ANKRD36: variants seen among roughly 807,000 people sequenced by gnomAD.
The protein encoded by ANKRD36 is ankyrin repeat domain 36.
ANKRD36 carries 179 observed loss-of-function variants against 278.1 expected under a neutral mutation model. The ratio of observed to expected loss-of-function variants is 0.64; its 90% CI spans 0.57 to 0.73. The LOEUF is 0.73. Among genes scored for constraint, ANKRD36 ranks in the 30% least tolerant of loss-of-function variants. The pLI is 0.00. For synonymous variants in ANKRD36, 320 were observed against 641.1 expected (o/e 0.50, Z 7.57); for missense variants, 1,159 against 1,956.7 (o/e 0.59, Z 7.69).
chr2:97,161,514 A>G (rs1367071449), intron 17 of ANKRD36, among the ~76,000 whole-genome samples: 1 of 151,994 alleles, frequency 6.6e-6, no homozygotes, highest in Non-Finnish European at 1.5e-5. Context: ...TATGTCTTTC[A>G]GGGTGACCTT....
chr2:97,207,914 T>G lies in ANKRD36; in HGVS notation c.3193-20T>G. ...AAACATACTTTATTAATTTATTATT[T>G]CATTTGAAATTCCATTCAGGCTACA... On this transcript the variant is annotated intron_variant, in intron 53 of 75. Coordinates refer to ENST00000420699, the MANE Select transcript of ANKRD36 (RefSeq NM_001354587.1). 1 of 1,535,324 alleles carries G rather than the reference T, an allele frequency of 6.5e-7. No individual in the cohort carries two copies.
At chr2:97,164,518 T>C (rs894388789) in intron 20 of ANKRD36, 49 bp downstream of exon 20, 3 of 1,518,364 alleles carry the variant, frequency 2.0e-6, no homozygotes, top group Non-Finnish European at 2.7e-6. Flanking sequence ...GATGAAAATA[T>C]TGAAAATGCT....
intron 54 of ANKRD36, among the ~76,000 whole-genome samples, chr2:97,209,057 C>T (rs1206858031): frequency 2.0e-5 from 3 of 146,496 alleles, no homozygotes; most frequent in Non-Finnish European, 3.0e-5. Context: ...GAAGGCTAAA[C>T]TAGTGGATAC....
At chr2:97,210,239 C>G (rs918445870) in intron 56 of ANKRD36, among the ~76,000 whole-genome samples, 1 of 151,854 alleles carries the variant, frequency 6.6e-6, no homozygotes, top group Non-Finnish European at 1.5e-5. Flanking sequence ...CTGCTAAAAA[C>G]AGACAGATAA....
rs1558791583 is a variant in ANKRD36, at chr2:97,207,958, GT to G, written c.3221del (p.Leu1074Ter). ...GGCTACAAGTGCCGAGAAAGATTCTGTTTTGAATATAGCCAGAGGAAAAAAG... is the reference window on the plus strand; with the variant it reads ...GGCTACAAGTGCCGAGAAAGATTCTGTTTGAATATAGCCAGAGGAAAAAAG... ...LKATSAEKDS[V>X]LNIARGKKYG... On this transcript the variant is annotated frameshift_variant, in exon 54 of 76. Transcript: ENST00000420699. LOFTEE classifies it high-confidence loss of function. 6.5e-7 allele frequency: 1 copy of G among 1,526,904 alleles called. No individual in the cohort carries two copies. The highest frequency in any genetic ancestry group is 8.8e-7 in the Non-Finnish European group (1 of 1,134,578). The allele number at this position is 1,526,904 out of a possible 1,614,324, so 94.6% of individuals were successfully genotyped here. A position where few individuals can be genotyped will look rare whatever the true frequency, so the allele number is the denominator to read the frequency against.
intron 68 of ANKRD36, among the ~76,000 whole-genome samples, chr2:97,237,363 G>A (rs1178660109): frequency 1.3e-5 from 2 of 150,736 alleles, no homozygotes; most frequent in Admixed American, 6.6e-5. Flanking sequence ...TTGCATTGGG[G>A]TTCACTCTTG....
Position 97,193,009 on chromosome 2 carries a change from T to A in ANKRD36, c.2405T>A (p.Leu802Ter). ...TATSDEEGSV[L>*]SIARENKDGE... ...ACAAGTGACGAGGAAGGTTCTGTTTTGAGTATAGCCAGAGAAAACAAGGAT... is the reference window on the plus strand; with the variant it reads ...ACAAGTGACGAGGAAGGTTCTGTTTAGAGTATAGCCAGAGAAAACAAGGAT... Residue 802 changes from leucine (L) to a stop codon, truncating the protein, a stop_gained, in exon 38 of 76, where the codon TTG (leucine) becomes TAG (stop). Transcript: ENST00000420699. LOFTEE classifies it high-confidence loss of function. 1 of 1,573,828 alleles carries A rather than the reference T, an allele frequency of 6.4e-7. No homozygotes were observed. The highest frequency in any genetic ancestry group is 8.6e-7 in the Non-Finnish European group (1 of 1,160,920).
chr2:97,176,535 G>A (rs911813036), intron 22 of ANKRD36, among the ~76,000 whole-genome samples: 2 of 143,886 alleles, frequency 1.4e-5, no homozygotes, highest in Admixed American at 7.1e-5. Context: ...ACGTGAGATG[G>A]GTTTCCTGAA....
chr2:97,218,832 C>T (rs1318044589), intron 64 of ANKRD36, among the ~76,000 whole-genome samples: 1 of 141,332 alleles, frequency 7.1e-6, no homozygotes, highest in African/African-American at 2.8e-5. Context: ...TGCATAATCT[C>T]ACTTTTTAAC....
intron 15 of ANKRD36, among the ~76,000 whole-genome samples, chr2:97,157,872 G>A (rs2047873396): frequency 6.6e-6 from 1 of 151,806 alleles, no homozygotes; most frequent in Non-Finnish European, 1.5e-5. Context: ...CATAGTATTT[G>A]TATAATAACT....
rs1303453078 is a variant in ANKRD36, at chr2:97,149,367, G to C, written c.1101+6G>C. ...AGTTTTCTTTGGAATCTGAGGTAGA[G>C]TACTCTCTTGTGAAATTAATTTTCT... On this transcript the variant is annotated splice_donor_region_variant and intron_variant, in intron 12 of 75. Coordinates refer to ENST00000420699, the MANE Select transcript of ANKRD36 (RefSeq NM_001354587.1). 4.6e-6 allele frequency: 7 copies of C among 1,522,220 alleles called. 1 individual carries two copies. The South Asian group carries it at 8.7e-5, about 19-fold the overall frequency. 94.3% of individuals were successfully genotyped at this position (1,522,220 alleles called of 1,614,324 possible). A position where few individuals can be genotyped will look rare whatever the true frequency, so the allele number is the denominator to read the frequency against.
At chr2:97,164,153 C>T (rs2049988367) in intron 18 of ANKRD36, 130 bp from the exon 19 acceptor site, 1 of 1,484,838 alleles carries the variant, frequency 6.7e-7, no homozygotes, top group Admixed American at 2.4e-5. Flanking sequence ...AGCAAAGCAA[C>T]CCAAAGCCTA....
chr2:97,196,833 T>C (rs1388553569), intron 42 of ANKRD36, 45 bp downstream of exon 42: 1 of 1,541,790 alleles, frequency 6.5e-7, no homozygotes, highest in South Asian at 1.2e-5. Flanking sequence ...TCCAGATAGA[T>C]AAGAAGTTCT....
At chr2:97,146,629 A>G in intron 11 of ANKRD36, 113 bp downstream of exon 11, 2 of 1,006,288 alleles carry the variant, frequency 2.0e-6, no homozygotes, top group Non-Finnish European at 2.7e-6. Flanking sequence ...TACATGCTTA[A>G]TATTTATCAT....
intron 67 of ANKRD36, among the ~76,000 whole-genome samples, chr2:97,230,935 T>C (rs1267392785): frequency 2.0e-5 from 3 of 152,066 alleles, no homozygotes; most frequent in African/African-American, 7.2e-5. Context: ...GTATCAGCAG[T>C]GGTGGCTGCA....
intron 6 of ANKRD36, among the ~76,000 whole-genome samples, chr2:97,128,702 G>C (rs2039272496): frequency 6.6e-6 from 1 of 151,772 alleles, no homozygotes; most frequent in Non-Finnish European, 1.5e-5. Flanking sequence ...CAAAACCTAA[G>C]GGTAATGTGT....
Position 97,199,165 on chromosome 2 carries a change from A to G in ANKRD36, c.2755+507A>G, listed in dbSNP as rs546049148. Among the ~76,000 whole-genome samples, 645 of 151,926 alleles carry G rather than the reference A, an allele frequency of 4.2e-3. 2 individuals are homozygous for G. The highest frequency in any genetic ancestry group is 0.014 in the African/African-American group (583 of 41,466). ...GAGGAAGTCATTTATATAATTTTGG[A>G]GTTTCTGCTGAGGAAACCTGAGTGA... is the stretch of plus-strand genomic sequence containing the variant. On this transcript the variant is annotated intron_variant, in intron 44 of 75. Coordinates refer to ENST00000420699, the MANE Select transcript of ANKRD36 (RefSeq NM_001354587.1).
chr2:97,212,706 G>A (rs1341151487), intron 58 of ANKRD36: 2 of 156,048 alleles, frequency 1.3e-5, no homozygotes, highest in Non-Finnish European at 2.8e-5. Flanking sequence ...GTAGAAATAT[G>A]TCAACATTGG....
At chr2:97,200,605 G>C (rs1299714571) in intron 46 of ANKRD36, 80 bp downstream of exon 46, 23 of 1,524,204 alleles carry the variant, frequency 1.5e-5, no homozygotes, top group Non-Finnish European at 1.9e-5. Context: ...GTCGGGGGCT[G>C]GTTGAAGCTG....
Sources: allele counts gnomAD v4.1 joint callset (sites outside exome capture counted in the v4.1 genomes callset), GRCh38; gene constraint gnomAD v4.1.1; transcripts MANE v1.5; gene names NCBI Gene and HGNC (gene_info 2026-07-23, HGNC 2026-07-21).